Variants in ASB15 observed in about 807,000 individuals in gnomAD.
ASB15 encodes ankyrin repeat and SOCS box protein 15.
In ASB15, 54 loss-of-function variants were observed where a neutral mutation model predicts 58.0. The observed-to-expected ratio is 0.93, with a 90% CI of 0.75 to 1.17. The LOEUF is 1.17. Ranked by LOEUF, ASB15 falls within the 50% of genes most tolerant of loss-of-function variation. The pLI is 0.00. For synonymous variants in ASB15, 249 were observed against 262.4 expected (o/e 0.95, Z 0.50); for missense variants, 680 against 707.4 (o/e 0.96, Z 0.44).
chr7:123,582,533 G>A (rs1340978510), intron 1 of ASB15, among the ~76,000 whole-genome samples: 1 of 151,914 alleles, frequency 6.6e-6, no homozygotes, highest in Non-Finnish European at 1.5e-5. Context: ...ATTGTCTGTA[G>A]GTTCCTCAAT....
At chr7:123,617,125 A>G (rs1228003447) in intron 6 of ASB15, among the ~76,000 whole-genome samples, 1 of 152,184 alleles carries the variant, frequency 6.6e-6, no homozygotes, top group Non-Finnish European at 1.5e-5. Flanking sequence ...CTTGATTATA[A>G]GCCAGCCATC....
At position 123,627,222 on chromosome 7, in the gene ASB15, T is replaced by C. The variant is rs1801849140; in HGVS notation, c.810T>C (p.Asn270=). ...SLLLEYGGSG[N]VPNRAGHLPI... Reference sequence around the variant, plus strand: ...TGCTGGAATATGGAGGAAGCGGAAATGTACCTAACCGAGCAGGACATCTTC... The same window carrying C: ...TGCTGGAATATGGAGGAAGCGGAAACGTACCTAACCGAGCAGGACATCTTC... Residue 270 remains asparagine (N), a synonymous_variant, in exon 9 of 12, where the codon AAT becomes AAC. Coordinates refer to ENST00000451215, the MANE Select transcript of ASB15 (RefSeq NM_001290258.2). 1 of 1,614,010 alleles carries C rather than the reference T, an allele frequency of 6.2e-7. No individual in the cohort carries two copies. The highest frequency in any genetic ancestry group is 8.5e-7 in the Non-Finnish European group (1 of 1,179,948).
chr7:123,628,344 G>A (rs956187080), intron 9 of ASB15, among the ~76,000 whole-genome samples: 6 of 152,280 alleles, frequency 3.9e-5, no homozygotes, highest in Non-Finnish European at 7.4e-5. Flanking sequence ...CCTGCTCTGC[G>A]TCTAACTGTG....
intron 11 of ASB15, among the ~76,000 whole-genome samples, chr7:123,635,755 C>T (rs2116693965): frequency 6.6e-6 from 1 of 150,880 alleles, no homozygotes; most frequent in Non-Finnish European, 1.5e-5. Flanking sequence ...CACTGGATGT[C>T]AGGAGTCCTC....
chr7:123,567,233 T>A (rs1798786607), intron 1 of ASB15: 1 of 152,130 alleles, frequency 6.6e-6, no homozygotes, highest in South Asian at 2.1e-4. Flanking sequence ...AGAAAGGGAT[T>A]TCAGAATGTC....
chr7:123,617,670 A>C lies in ASB15; in HGVS notation c.384A>C (p.Arg128Ser). 2 of 1,612,456 alleles carry C rather than the reference A, an allele frequency of 1.2e-6. No individual in the cohort carries two copies. The highest frequency in any genetic ancestry group is 1.7e-6 in the Non-Finnish European group (2 of 1,178,444). Residue 128 changes from arginine to serine, a missense_variant, in exon 7 of 12, where the codon AGA becomes AGC. Physicochemically the swap from Arg to Ser is moderately radical, Grantham distance 110. Transcript: ENST00000451215. Reference sequence around the variant, plus strand: ...AAGCTGGTCTGGTGGAAAATGTAAGAACTTTATTAGAAAAGGGAGTGTGGC... The same window carrying C: ...AAGCTGGTCTGGTGGAAAATGTAAGCACTTTATTAGAAAAGGGAGTGTGGC... The part of the protein sequence containing the change: ...AVKAGLVENV[R>S]TLLEKGVWPN...
intron 3 of ASB15, among the ~76,000 whole-genome samples, chr7:123,610,140 T>G (rs1683916320): frequency 1.3e-5 from 2 of 152,190 alleles, no homozygotes; most frequent in African/African-American, 4.8e-5. Context: ...AAGATCACAG[T>G]GTTTTCTTTT....
intron 2 of ASB15, among the ~76,000 whole-genome samples, chr7:123,606,005 AT>A (rs958714949): frequency 4.6e-5 from 7 of 152,284 alleles, no homozygotes; most frequent in South Asian, 2.1e-4. Flanking sequence ...GTTAAAAAAA[AT>A]AATACTTTTT....
At chr7:123,568,711 C>T (rs754932355) in intron 1 of ASB15, among the ~76,000 whole-genome samples, 1 of 151,974 alleles carries the variant, frequency 6.6e-6, no homozygotes, top group Non-Finnish European at 1.5e-5. Context: ...GAGATAAAAA[C>T]TATTTTGTGG....
At chr7:123,632,579 C>CT in intron 11 of ASB15, among the ~76,000 whole-genome samples, 1 of 152,114 alleles carries the variant, frequency 6.6e-6, no homozygotes, top group East Asian at 1.9e-4. Flanking sequence ...AATGTGTACT[C>CT]TTTTATCCCT....
chr7:123,578,902 G>A (rs930971456), intron 1 of ASB15, among the ~76,000 whole-genome samples: 2 of 152,016 alleles, frequency 1.3e-5, no homozygotes, highest in African/African-American at 4.8e-5. Flanking sequence ...TTACATGCAA[G>A]GTATTTTATT....
At chr7:123,627,032 CCCA>C in intron 8 of ASB15, 75 bp from the exon 9 acceptor site, 1 of 1,456,094 alleles carries the variant, frequency 6.9e-7, no homozygotes, top group South Asian at 1.3e-5. Context: ...CATGCCCAGC[CCCA>C]CAACAGGCTG....
chr7:123,623,604 A>G (rs903117633), intron 7 of ASB15, among the ~76,000 whole-genome samples: 2 of 152,040 alleles, frequency 1.3e-5, no homozygotes, highest in Non-Finnish European at 2.9e-5. Context: ...GGTAGCTCAC[A>G]CCTGTAATCC....
chr7:123,611,873 G>A (rs545786743), intron 3 of ASB15, among the ~76,000 whole-genome samples: 14 of 151,846 alleles, frequency 9.2e-5, no homozygotes, highest in African/African-American at 3.4e-4. Context: ...CTAGATTGGC[G>A]TTGTTCTGCA....
At chr7:123,569,220 G>T (rs1798838024) in intron 1 of ASB15, among the ~76,000 whole-genome samples, 1 of 152,004 alleles carries the variant, frequency 6.6e-6, no homozygotes, top group South Asian at 2.1e-4. Flanking sequence ...AGACGTAAAT[G>T]GCAATCTTGG....
At chr7:123,631,459 G>A (rs1802111649) in intron 11 of ASB15, among the ~76,000 whole-genome samples, 1 of 152,144 alleles carries the variant, frequency 6.6e-6, no homozygotes, top group Non-Finnish European at 1.5e-5. Context: ...GTATTATCAT[G>A]CTTATTTTTT....
chr7:123,629,486 A>C (rs1458242299), intron 10 of ASB15, 52 bp downstream of exon 10: 3 of 1,385,786 alleles, frequency 2.2e-6, no homozygotes, highest in Non-Finnish European at 2.9e-6. Context: ...AATTTAATAC[A>C]TGTTCATTCA....
chr7:123,627,180 C>G lies in ASB15; in HGVS notation c.768C>G (p.Pro256=). 2 of 1,613,890 alleles carry G rather than the reference C, an allele frequency of 1.2e-6. No homozygotes were observed. The highest frequency in any genetic ancestry group is 1.7e-6 in the Non-Finnish European group (2 of 1,179,874). Reference sequence around the variant, plus strand: ...TTGAGGCAGCAGGAGGTGGCAATCCCGACTGCATTTCCCTCCTGCTGGAAT... The same window carrying G: ...TTGAGGCAGCAGGAGGTGGCAATCCGGACTGCATTTCCCTCCTGCTGGAAT... The part of the protein sequence containing the change: ...VLFEAAGGGN[P]DCISLLLEYG... The change falls in exon 9 of 12, where the codon CCC becomes CCG. Residue 256 remains proline, a synonymous_variant. Coordinates refer to ENST00000451215, the MANE Select transcript of ASB15 (RefSeq NM_001290258.2).
At chr7:123,616,339 T>G in intron 5 of ASB15, 25 bp from the exon 6 acceptor site, 1 of 1,610,292 alleles carries the variant, frequency 6.2e-7, no homozygotes, top group Non-Finnish European at 8.5e-7. Flanking sequence ...CAGAGATTAG[T>G]CATCAGTCCA....
Sources: gnomAD v4.1 joint callset for allele counts (sites outside exome capture counted in the v4.1 genomes callset) on GRCh38, gnomAD v4.1.1 for gene constraint, MANE v1.5 for transcripts, NCBI Gene and HGNC (gene_info 2026-07-23, HGNC 2026-07-21) for gene names.